Variants in ZRANB3 observed in about 807,000 individuals in gnomAD.
ZRANB3 encodes the protein DNA annealing helicase and endonuclease ZRANB3.
A neutral mutation model predicts 133.8 loss-of-function variants in ZRANB3; 125 were observed. That is an observed-to-expected ratio of 0.93 (90% CI 0.81 to 1.08). The LOEUF is 1.08. Among genes scored for constraint, ZRANB3 ranks in the 50% least tolerant of loss-of-function variants. ZRANB3 has a pLI of 0.00. For synonymous variants in ZRANB3, 387 were observed against 432.7 expected (o/e 0.89, Z 1.31); for missense variants, 1,229 against 1,275.5 (o/e 0.96, Z 0.56).
intron 2 of ZRANB3, among the ~76,000 whole-genome samples, chr2:135,481,195 C>T (rs1211747141): frequency 3.3e-5 from 5 of 151,264 alleles, no homozygotes; most frequent in East Asian, 2.0e-4. Flanking sequence ...GCCACACTGA[C>T]TTCCACAATG....
intron 2 of ZRANB3, among the ~76,000 whole-genome samples, chr2:135,405,699 A>C (rs569565811): frequency 2.2e-4 from 33 of 152,352 alleles, no homozygotes; most frequent in Non-Finnish European, 3.7e-4. Flanking sequence ...TGGAAACTGA[A>C]CAACCTGCTC....
intron 12 of ZRANB3, among the ~76,000 whole-genome samples, chr2:135,233,100 G>A (rs1040948032): frequency 1.3e-5 from 2 of 152,162 alleles, no homozygotes; most frequent in African/African-American, 2.4e-5. Context: ...GTCCTTAAAG[G>A]ACCTGATGGA....
intron 2 of ZRANB3, among the ~76,000 whole-genome samples, chr2:135,453,511 C>A (rs370359905): frequency 3.9e-5 from 6 of 152,292 alleles, no homozygotes; most frequent in African/African-American, 9.6e-5. Context: ...ACCCAAGTCA[C>A]CTCTTGAATC....
chr2:135,328,393 C>T (rs1240494007), intron 6 of ZRANB3, among the ~76,000 whole-genome samples: 2 of 152,102 alleles, frequency 1.3e-5, no homozygotes, highest in African/African-American at 2.4e-5. Flanking sequence ...GACATGAACT[C>T]ATCCTTTTTT....
rs753937381 is a variant in ZRANB3 at position 135,207,635 on chromosome 2, G to C, written c.2808C>G (p.Cys936Trp). The C allele has an allele frequency of 6.2e-7, 1 of 1,614,010 alleles. No homozygotes were observed. Among genetic ancestry groups the C allele is most frequent in the South Asian group, 1.1e-5 (1 of 91,082 alleles). Residue 936 changes from cysteine to tryptophan, a missense_variant, in exon 19 of 21, where the codon TGC (cysteine) becomes TGG (tryptophan). Cys to Trp is a radical substitution (Grantham distance 215, BLOSUM62 -2). Coordinates refer to ENST00000264159, the MANE Select transcript of ZRANB3 (RefSeq NM_032143.4). Reference sequence around the variant, plus strand: ...AAAACTCTTCCTGACATTTCAGAGAGCAAAACCGTGAATCCCAAGAGTTCG... The same window carrying C: ...AAAACTCTTCCTGACATTTCAGAGACCAAAACCGTGAATCCCAAGAGTTCG... ...CKANSWDSRFCSLKCQEEFWI... is the reference protein window; with the variant it reads ...CKANSWDSRFWSLKCQEEFWI...
intron 8 of ZRANB3, among the ~76,000 whole-genome samples, chr2:135,306,585 C>T (rs1403003837): frequency 7.4e-5 from 11 of 148,224 alleles, no homozygotes; most frequent in African/African-American, 2.5e-4. Flanking sequence ...AGCCACCGCA[C>T]CCGGCCTTTT....
intron 2 of ZRANB3, among the ~76,000 whole-genome samples, chr2:135,441,725 G>C (rs549286555): frequency 6.6e-6 from 1 of 151,982 alleles, no homozygotes; most frequent in Non-Finnish European, 1.5e-5. Flanking sequence ...TTAAGTCAAT[G>C]TTAAACTCAA....
At chr2:135,340,818 TGCACCCCA>T (rs1422826378) in intron 6 of ZRANB3, among the ~76,000 whole-genome samples, 1 of 150,726 alleles carries the variant, frequency 6.6e-6, no homozygotes, top group Non-Finnish European at 1.5e-5. Flanking sequence ...ACCGCACCAT[TGCACCCCA>T]GGCTGGTCAA....
chr2:135,449,382 G>A (rs186216548), intron 2 of ZRANB3, among the ~76,000 whole-genome samples: 2 of 152,292 alleles, frequency 1.3e-5, no homozygotes, highest in African/African-American at 2.4e-5. Flanking sequence ...CACTTTGGGA[G>A]GCCAAGGTGG....
intron 2 of ZRANB3, among the ~76,000 whole-genome samples, chr2:135,432,285 TA>T (rs1042588091): frequency 6.6e-6 from 1 of 151,836 alleles, no homozygotes; most frequent in Non-Finnish European, 1.5e-5. Flanking sequence ...TGGACCATAG[TA>T]AAAAAAATTT....
intron 1 of ZRANB3, chr2:135,511,270 C>A: frequency 9.8e-7 from 1 of 1,023,244 alleles, no homozygotes. Flanking sequence ...TGAGCATCCT[C>A]AGGAGCAGTT....
At position 135,271,657 on chromosome 2, in the gene ZRANB3, C is replaced by T. The variant is rs1680519764; in HGVS notation, c.1206+111G>A. 9.7e-6 allele frequency: 12 copies of T among 1,237,598 alleles called. No individual in the cohort carries two copies. The South Asian group carries it at 1.9e-4, about 20-fold the overall frequency. The allele number at this position is 1,237,598 out of a possible 1,614,324, so 76.7% of individuals were successfully genotyped here. On this transcript the variant is annotated intron_variant, in intron 10 of 20. Coordinates refer to ENST00000264159, the MANE Select transcript of ZRANB3 (RefSeq NM_032143.4). ...TGAAGAAGAATTACTATTTATTATACAAGGCATCCAGATACAAAGTTACAA... is the reference window on the plus strand; with the variant it reads ...TGAAGAAGAATTACTATTTATTATATAAGGCATCCAGATACAAAGTTACAA...
chr2:135,481,077 G>A (rs1256499017), intron 2 of ZRANB3, among the ~76,000 whole-genome samples: 5 of 152,000 alleles, frequency 3.3e-5, no homozygotes, highest in African/African-American at 7.3e-5. Context: ...ATAAACATAC[G>A]TGAGCATGTG....
chr2:135,505,530 T>A (rs562656852), intron 1 of ZRANB3, among the ~76,000 whole-genome samples: 2 of 151,866 alleles, frequency 1.3e-5, no homozygotes, highest in East Asian at 3.9e-4. Flanking sequence ...GCCAAGATCA[T>A]GCCACTGCGC....
At chr2:135,273,993 C>A (rs1384741145) in intron 9 of ZRANB3, among the ~76,000 whole-genome samples, 2 of 152,126 alleles carry the variant, frequency 1.3e-5, no homozygotes. Context: ...AATCTAATTT[C>A]TTGCCCAATC....
chr2:135,327,480 G>A (rs1346903777), intron 6 of ZRANB3, among the ~76,000 whole-genome samples: 1 of 152,118 alleles, frequency 6.6e-6, no homozygotes, highest in East Asian at 1.9e-4. Context: ...AGTTGACTAA[G>A]AAAGGAACAG....
chr2:135,313,413 T>C lies in ZRANB3; in HGVS notation c.966+76A>G. On this transcript the variant is annotated intron_variant, in intron 8 of 20. Coordinates refer to ENST00000264159, the MANE Select transcript of ZRANB3 (RefSeq NM_032143.4). ...AGAAATTCTGCAATATATAAATAAC[T>C]TGCTTAATTAAAAACAGTAAAAGAC... The C allele has an allele frequency of 3.2e-6, 3 of 935,586 alleles. No homozygotes were observed. In the South Asian group the frequency reaches 5.6e-5, roughly 17 times the overall value. 58.0% of individuals were successfully genotyped at this position (935,586 alleles called of 1,614,324 possible). A position where few individuals can be genotyped will look rare whatever the true frequency, so the allele number is the denominator to read the frequency against.
chr2:135,351,272 T>C (rs1026770335), intron 4 of ZRANB3, among the ~76,000 whole-genome samples: 15 of 147,934 alleles, frequency 1.0e-4, no homozygotes, highest in South Asian at 2.2e-4. Context: ...TTTCTTTTTT[T>C]TTTTTTTTTT....
chr2:135,260,352 T>C, intron 12 of ZRANB3, among the ~76,000 whole-genome samples: 1 of 152,140 alleles, frequency 6.6e-6, no homozygotes, highest in East Asian at 1.9e-4. Context: ...TGCTTACTTA[T>C]GGGACAGCCA....
Sources: gnomAD v4.1 joint callset for allele counts (sites outside exome capture counted in the v4.1 genomes callset) on GRCh38, gnomAD v4.1.1 for gene constraint, MANE v1.5 for transcripts, NCBI Gene and HGNC (gene_info 2026-07-23, HGNC 2026-07-21) for gene names.